FOXN3: variants seen among roughly 807,000 people sequenced by gnomAD.
FOXN3 encodes the protein forkhead box N3, also known as forkhead box protein N3.
Under a neutral mutation model 38.4 loss-of-function variants are expected in FOXN3, and 7 were observed. That is an observed-to-expected ratio of 0.18 (90% CI 0.10 to 0.34). The LOEUF (loss-of-function observed/expected upper bound fraction) is 0.34. FOXN3 is among the 10% of genes least tolerant of loss of function. The pLI is 1.00. For synonymous variants in FOXN3, 230 were observed against 242.2 expected (o/e 0.95, Z 0.47); for missense variants, 456 against 613.4 (o/e 0.74, Z 2.71).
At chr14:89,203,510 G>A (rs568662080) in intron 4 of FOXN3, among the ~76,000 whole-genome samples, 196 of 152,346 alleles carry the variant, frequency 1.3e-3, no homozygotes, top group Admixed American at 4.0e-3. Flanking sequence ...GGTGTGCCTG[G>A]AGCATGTCCC....
chr14:89,318,162 C>CTTT (rs10624729), intron 3 of FOXN3, among the ~76,000 whole-genome samples: 19,729 of 127,292 alleles, frequency 0.15, 2,447 homozygotes, highest in African/African-American at 0.27. Flanking sequence ...TTCTTCTTCT[C>CTTT]TTTTTTTTTT....
chr14:89,325,254 C>T (rs868114975), intron 3 of FOXN3, among the ~76,000 whole-genome samples: 9 of 149,104 alleles, frequency 6.0e-5, no homozygotes, highest in African/African-American at 2.2e-4. Flanking sequence ...CCACGACCAC[C>T]ACCACCACCA....
At chr14:89,501,130 T>A (rs1893792571) in intron 1 of FOXN3, among the ~76,000 whole-genome samples, 1 of 152,224 alleles carries the variant, frequency 6.6e-6, no homozygotes, top group Non-Finnish European at 1.5e-5. Context: ...TATTTTTTCC[T>A]TTTTCTAAAT....
intron 1 of FOXN3, among the ~76,000 whole-genome samples, chr14:89,455,361 A>G (rs942993889): frequency 6.6e-6 from 1 of 152,254 alleles, no homozygotes; most frequent in Admixed American, 6.5e-5. Context: ...TTTGACAAAT[A>G]CAAATACATT....
At chr14:89,193,708 C>CT (rs1443290074) in intron 4 of FOXN3, among the ~76,000 whole-genome samples, 2 of 152,140 alleles carry the variant, frequency 1.3e-5, no homozygotes, top group African/African-American at 2.4e-5. Context: ...TTATACCAGT[C>CT]TTTTTTGAAC....
rs367813266 is a variant in FOXN3 at position 89,397,738 on chromosome 14, T to C, written c.543+14196A>G. On this transcript the variant is annotated intron_variant, in intron 2 of 5. Transcript: ENST00000557258. ...AAGTGTCAGACCTTGGCTAAAAATATCTGGCTGTGTCAATTTAGCAAGCCA... is the reference window on the plus strand; with the variant it reads ...AAGTGTCAGACCTTGGCTAAAAATACCTGGCTGTGTCAATTTAGCAAGCCA... Among the ~76,000 whole-genome samples the C allele has an allele frequency of 1.8e-4, 27 of 152,342 alleles. No individual in the cohort carries two copies. In the South Asian group the frequency reaches 5.6e-3, roughly 32 times the overall value.
chr14:89,565,088 C>T (rs543108453), intron 1 of FOXN3, among the ~76,000 whole-genome samples: 60 of 110,566 alleles, frequency 5.4e-4, no homozygotes, highest in Admixed American at 3.0e-3. Flanking sequence ...AAGGAGAGCT[C>T]GTCTCAAAAA....
At chr14:89,248,914 G>A (rs1002740072) in intron 4 of FOXN3, among the ~76,000 whole-genome samples, 3 of 152,148 alleles carry the variant, frequency 2.0e-5, no homozygotes, top group Admixed American at 2.0e-4. Context: ...TGGAATTCAA[G>A]TGCTTCAAAT....
chr14:89,557,741 C>T (rs1168035747), intron 1 of FOXN3, among the ~76,000 whole-genome samples: 1 of 152,184 alleles, frequency 6.6e-6, no homozygotes, highest in Non-Finnish European at 1.5e-5. Flanking sequence ...CACGGTGGCT[C>T]ACAACTGTAA....
Position 89,159,041 on chromosome 14 carries a change from G to A in FOXN3, c.*3373C>T, listed in dbSNP as rs2139769833. 6.5e-6 allele frequency: 1 copy of A among 152,758 alleles called. No individual in the cohort carries two copies. The highest frequency in any genetic ancestry group is 2.4e-5 in the African/African-American group (1 of 41,576). 9.5% of individuals were successfully genotyped at this position (152,758 alleles called of 1,614,324 possible). On this transcript the variant is annotated 3_prime_UTR_variant, in exon 6 of 6. Coordinates refer to ENST00000557258, the MANE Select transcript of FOXN3 (RefSeq NM_005197.4). ...AAGCTAAAAGAACACCTGACGTTTGGGAAGGAATTCCAAGACTAAAGTGAA... is the reference window on the plus strand; with the variant it reads ...AAGCTAAAAGAACACCTGACGTTTGAGAAGGAATTCCAAGACTAAAGTGAA...
At chr14:89,508,587 A>G (rs1893996539) in intron 1 of FOXN3, among the ~76,000 whole-genome samples, 2 of 152,212 alleles carry the variant, frequency 1.3e-5, no homozygotes, top group Admixed American at 6.5e-5. Flanking sequence ...ATCTCCTTGC[A>G]GGTGAAACTA....
At chr14:89,325,526 T>C (rs1016096109) in intron 3 of FOXN3, among the ~76,000 whole-genome samples, 2 of 152,180 alleles carry the variant, frequency 1.3e-5, no homozygotes, top group African/African-American at 4.8e-5. Flanking sequence ...CAGTTCTAAA[T>C]GGAGGGTGGA....
chr14:89,359,518 C>T (rs1310575218), intron 2 of FOXN3, among the ~76,000 whole-genome samples: 5 of 152,070 alleles, frequency 3.3e-5, no homozygotes, highest in Non-Finnish European at 1.5e-5. Context: ...CCAAAAGAAG[C>T]GTTTTGTCTC....
At chr14:89,348,668 C>CTT (rs1888849265) in intron 3 of FOXN3, among the ~76,000 whole-genome samples, 1 of 146,246 alleles carries the variant, frequency 6.8e-6, no homozygotes, top group Non-Finnish European at 1.5e-5. Flanking sequence ...TTTTTTTTCC[C>CTT]CCCTCAGTCA....
At chr14:89,588,696 G>A (rs954534879) in intron 1 of FOXN3, among the ~76,000 whole-genome samples, 5 of 152,172 alleles carry the variant, frequency 3.3e-5, no homozygotes, top group African/African-American at 1.2e-4. Flanking sequence ...TACCTGGATG[G>A]TAGCTCTCCT....
intron 1 of FOXN3, among the ~76,000 whole-genome samples, chr14:89,478,933 A>C (rs1177490624): frequency 8.2e-6 from 1 of 121,898 alleles, no homozygotes; most frequent in African/African-American, 3.3e-5. Context: ...CTCCATCTCA[A>C]AAAAAAAAAA....
At chr14:89,597,768 A>G (rs1405593680) in intron 1 of FOXN3, among the ~76,000 whole-genome samples, 1 of 152,046 alleles carries the variant, frequency 6.6e-6, no homozygotes, top group Non-Finnish European at 1.5e-5. Context: ...TTTCTTTTGC[A>G]TGGTATATCT....
At chr14:89,325,214 G>GCATCACCACCAC (rs1888015810) in intron 3 of FOXN3, among the ~76,000 whole-genome samples, 1 of 140,136 alleles carries the variant, frequency 7.1e-6, no homozygotes, top group Non-Finnish European at 1.5e-5. Context: ...CAACACACAT[G>GCATCACCACCAC]CACCACCACC....
chr14:89,576,498 T>C (rs1895621960), intron 1 of FOXN3: 2 of 150,266 alleles, frequency 1.3e-5, no homozygotes, highest in South Asian at 4.2e-4. Flanking sequence ...TGTTAAGCTT[T>C]AGCAAATGTA....
Sources: allele counts gnomAD v4.1 joint callset (sites outside exome capture counted in the v4.1 genomes callset), GRCh38; gene constraint gnomAD v4.1.1; transcripts MANE v1.5; gene names NCBI Gene and HGNC (gene_info 2026-07-23, HGNC 2026-07-21).